Variants in MDGA1 observed in about 807,000 individuals in gnomAD.
MDGA1 encodes MAM domain containing glycosylphosphatidylinositol anchor 1.
Under a neutral mutation model 101.5 loss-of-function variants are expected in MDGA1, and 54 were observed. The observed-to-expected ratio is 0.53, with a 90% confidence interval of 0.43 to 0.67. The LOEUF (loss-of-function observed/expected upper bound fraction) is 0.67. Among genes scored for constraint, MDGA1 ranks in the 30% least tolerant of loss-of-function variants. The probability of loss-of-function intolerance (pLI) is 0.00; values close to 1 mark genes in which losing one functional copy is unlikely to be tolerated. For missense variants in MDGA1, 1,083 were observed against 1,323.8 expected (o/e 0.82, Z 2.82); for synonymous variants, 533 against 558.3 (o/e 0.95, Z 0.64).
intron 1 of MDGA1, among the ~76,000 whole-genome samples, chr6:37,686,295 G>T (rs1198289061): frequency 1.3e-5 from 2 of 151,926 alleles, no homozygotes; most frequent in African/African-American, 2.4e-5. Flanking sequence ...TGGTGACCTT[G>T]AGGCAAAATG....
Position 37,652,449 on chromosome 6 carries a change from G to A in MDGA1, c.983-109C>T. The A allele has an allele frequency of 1.3e-6, 1 of 741,948 alleles. No individual in the cohort carries two copies. The highest frequency in any genetic ancestry group is 2.2e-6 in the Non-Finnish European group (1 of 464,018). The allele number at this position is 741,948 out of a possible 1,614,324, so 46.0% of individuals were successfully genotyped here. ...CTCCCCTCTAGCTGGCCCTTCTGGG[G>A]ATAGGGGGCTACAACTCCCCCAGGT... On this transcript the variant is annotated intron_variant, in intron 6 of 16. Coordinates refer to ENST00000434837, the MANE Select transcript of MDGA1 (RefSeq NM_153487.4). This position sits in a 1 kb window ranked among gnomAD's most constrained non-coding sequence, Gnocchi z 4.3.
chr6:37,637,158 C>T lies in MDGA1; in HGVS notation c.*210G>A, dbSNP rs959222168. The T allele has an allele frequency of 1.5e-5, 8 of 550,736 alleles. No homozygotes were observed. Among genetic ancestry groups the T allele is most frequent in the South Asian group, 7.2e-5 (3 of 41,670 alleles). The allele number at this position is 550,736 out of a possible 1,614,324, so 34.1% of individuals were successfully genotyped here. A position where few individuals can be genotyped will look rare whatever the true frequency, so the allele number is the denominator to read the frequency against. ...CTGTGTGTGTGAGCATGAGTGTGTGCGTGTGTGCAAGTGGAACAGCTGTCT... is the reference window on the plus strand; with the variant it reads ...CTGTGTGTGTGAGCATGAGTGTGTGTGTGTGTGCAAGTGGAACAGCTGTCT... On this transcript the variant is annotated 3_prime_UTR_variant, in exon 17 of 17. Coordinates refer to ENST00000434837, the MANE Select transcript of MDGA1 (RefSeq NM_153487.4).
chr6:37,693,453 ATT>A (rs2114115792), intron 1 of MDGA1, among the ~76,000 whole-genome samples: 1 of 152,362 alleles, frequency 6.6e-6, no homozygotes, highest in East Asian at 1.9e-4. Context: ...TTGGTGAAAT[ATT>A]TTGACTTCCA....
intron 1 of MDGA1, among the ~76,000 whole-genome samples, chr6:37,685,706 C>T (rs1157767962): frequency 2.0e-5 from 3 of 152,152 alleles, no homozygotes; most frequent in South Asian, 2.1e-4. Flanking sequence ...ACATGTGAAC[C>T]GACAGTGTCG....
At position 37,644,561 on chromosome 6, in the gene MDGA1, G is replaced by A; in HGVS notation, c.2337C>T (p.Leu779=). 1 of 1,609,162 alleles carries A rather than the reference G, an allele frequency of 6.2e-7. No homozygotes were observed. Among genetic ancestry groups the A allele is most frequent in the South Asian group, 1.1e-5 (1 of 90,372 alleles). The change falls in exon 13 of 17, where the codon CTC becomes CTT. Residue 779 remains leucine, a synonymous_variant. Transcript: ENST00000434837. ...TGGGGGAGCGTTTGGGGTTCTGGGT[G>A]AGGGCATTCTGCCGCGTCCAGTCAA... The part of the protein sequence containing the change: ...DNFDWTRQNA[L]TQNPKRSPNT...
At position 37,638,504 on chromosome 6, in the gene MDGA1, C is replaced by G. The variant is rs1283296904; in HGVS notation, c.2667+33G>C. On this transcript the variant is annotated intron_variant, in intron 15 of 16. Transcript: ENST00000434837. The surrounding 1 kb of genome is among the most constrained non-coding windows in gnomAD (Gnocchi z 4.8). The stretch of plus-strand genomic sequence containing the variant: ...TTCCTGGCCACAGCAACCACCGAAG[C>G]CGGGGAGGGTCCTCTGGGCCCTACG... 19 of 1,611,746 alleles carry G rather than the reference C, an allele frequency of 1.2e-5. No homozygotes were observed. Among genetic ancestry groups the G allele is most frequent in the African/African-American group, 4.0e-5 (3 of 74,908 alleles).
At chr6:37,641,863 A>G (rs548781904) in intron 14 of MDGA1, 1 of 152,318 alleles carries the variant, frequency 6.6e-6, no homozygotes, top group African/African-American at 2.4e-5. Context: ...TGATCTGTGC[A>G]AATGGTTTGG....
chr6:37,648,232 C>T (rs1761259655), intron 9 of MDGA1: 1 of 152,288 alleles, frequency 6.6e-6, no homozygotes, highest in African/African-American at 2.4e-5. Flanking sequence ...GCTCACGAAA[C>T]GTGTGCTGTC....
chr6:37,658,968 C>CAAAATAAAAAAAAAA (rs1761560256), intron 2 of MDGA1, among the ~76,000 whole-genome samples: 1 of 109,512 alleles, frequency 9.1e-6, no homozygotes, highest in African/African-American at 4.1e-5. Flanking sequence ...AAGACTGTTT[C>CAAAATAAAAAAAAAA]AAAAAAAAAA....
At chr6:37,682,816 G>GTTA (rs1762124731) in intron 1 of MDGA1, among the ~76,000 whole-genome samples, 1 of 152,188 alleles carries the variant, frequency 6.6e-6, no homozygotes, top group African/African-American at 2.4e-5. Flanking sequence ...TCAGGTCCCA[G>GTTA]TTATTAGTGA....
Position 37,649,136 on chromosome 6 carries a change from C to A in MDGA1, c.1740G>T (p.Gln580His). 2 of 1,512,810 alleles carry A rather than the reference C, an allele frequency of 1.3e-6. No homozygotes were observed. Among genetic ancestry groups the A allele is most frequent in the South Asian group, 2.5e-5 (2 of 81,394 alleles). The allele number at this position is 1,512,810 out of a possible 1,614,324, so 93.7% of individuals were successfully genotyped here. A position where few individuals can be genotyped will look rare whatever the true frequency, so the allele number is the denominator to read the frequency against. Reference sequence around the variant, plus strand: ...GAACAACAGGCGGCGGCGGCAGCAGCTGCCCTTTGAAACGCCACACAGCCG... The same window carrying A: ...GAACAACAGGCGGCGGCGGCAGCAGATGCCCTTTGAAACGCCACACAGCCG... ...IASAVWRFKG[Q>H]LLPPPPVVPA... Residue 580 changes from glutamine (Q) to histidine (H), a missense_variant, in exon 9 of 17, where the codon CAG (glutamine) becomes CAT (histidine). Physicochemically the swap from Gln to His is conservative, Grantham distance 24. This residue lies in a region of MDGA1 where 657 missense variants were observed against 771.4 expected (regional missense o/e 0.85). Coordinates refer to ENST00000434837, the MANE Select transcript of MDGA1 (RefSeq NM_153487.4).
intron 1 of MDGA1, among the ~76,000 whole-genome samples, chr6:37,679,068 G>T (rs998818711): frequency 2.6e-5 from 4 of 151,910 alleles, no homozygotes; most frequent in Admixed American, 2.0e-4. Flanking sequence ...TGCAATACCT[G>T]CCCTCCTGCT....
intron 2 of MDGA1, among the ~76,000 whole-genome samples, chr6:37,661,480 T>C (rs1761622774): frequency 6.6e-6 from 1 of 152,202 alleles, no homozygotes; most frequent in Admixed American, 6.5e-5. Context: ...GAACAGAAAC[T>C]ATAGGGGCAT....
intron 13 of MDGA1, among the ~76,000 whole-genome samples, chr6:37,644,166 A>AC (rs1307809530): frequency 7.2e-6 from 1 of 138,694 alleles, no homozygotes; most frequent in Non-Finnish European, 1.5e-5. Context: ...ATCCTGCCTC[A>AC]CCCCACGCAT....
chr6:37,643,790 A>G lies in MDGA1; in HGVS notation c.2536+19T>C. 1 of 1,613,562 alleles carries G rather than the reference A, an allele frequency of 6.2e-7. No homozygotes were observed. The highest frequency in any genetic ancestry group is 1.7e-5 in the Admixed American group (1 of 59,980). On this transcript the variant is annotated intron_variant, in intron 14 of 16. Transcript: ENST00000434837. ...CTCCAGCACACACTTGGTGGAGACT[A>G]CCTGGCCCCCCAACTCACCGATGTG...
At chr6:37,648,552 C>T (rs535046433) in intron 9 of MDGA1, 263 of 208,736 alleles carry the variant, frequency 1.3e-3, no homozygotes, top group Non-Finnish European at 2.1e-3. Context: ...TCGAAGGGGT[C>T]TAGGCCTGGT....
chr6:37,649,289 G>T, intron 8 of MDGA1, 23 bp from the exon 9 acceptor site: 2 of 1,463,656 alleles, frequency 1.4e-6, no homozygotes, highest in Non-Finnish European at 1.8e-6. Context: ...GCGGCGGTCA[G>T]CGGGGCCTCT....
At chr6:37,660,759 G>A (rs1252503526) in intron 2 of MDGA1, among the ~76,000 whole-genome samples, 2 of 152,026 alleles carry the variant, frequency 1.3e-5, no homozygotes, top group Admixed American at 6.6e-5. Context: ...TTGGGTCTAT[G>A]GACTGACTCT....
rs879758925 is a variant in MDGA1 at position 37,685,299 on chromosome 6, T to TA, written c.67+11445dup. ...AGAGTGAGACATTGTCTCAAAAAATTAAAAAAAAAAAAATCACTTCAGGAG... is the reference window on the plus strand; with the variant it reads ...AGAGTGAGACATTGTCTCAAAAAATTAAAAAAAAAAAAAATCACTTCAGGAG... On this transcript the variant is annotated intron_variant, in intron 1 of 16. Coordinates refer to ENST00000434837, the MANE Select transcript of MDGA1 (RefSeq NM_153487.4). 1.6e-3 allele frequency among the ~76,000 whole-genome samples: 223 copies of TA among 143,076 alleles called. 2 individuals are homozygous for TA. Among genetic ancestry groups the TA allele is most frequent in the African/African-American group, 4.3e-3 (170 of 39,128 alleles). The allele number at this position is 143,076 out of a possible 152,430, so 93.9% of individuals were successfully genotyped here. A position where few individuals can be genotyped will look rare whatever the true frequency, so the allele number is the denominator to read the frequency against.
Sources: allele counts gnomAD v4.1 joint callset (sites outside exome capture counted in the v4.1 genomes callset), GRCh38; gene constraint gnomAD v4.1.1; regional missense constraint gnomAD v4.1.1; non-coding constraint Gnocchi (gnomAD v3.1); transcripts MANE v1.5; gene names NCBI Gene and HGNC (gene_info 2026-07-23, HGNC 2026-07-21).